The following PREX1 variants were observed in gnomAD, a reference collection of about 807,000 sequenced individuals.
PREX1 encodes phosphatidylinositol 3,4,5-trisphosphate-dependent Rac exchanger 1 protein.
In PREX1, 41 loss-of-function variants were observed where a neutral mutation model predicts 198.3. The ratio of observed to expected loss-of-function variants is 0.21; its 90% CI spans 0.16 to 0.27. PREX1 has a LOEUF of 0.27. Ranked by LOEUF, PREX1 falls within the 10% of genes least tolerant of loss-of-function variation. The probability of loss-of-function intolerance (pLI) is 1.00; values close to 1 mark genes in which losing one functional copy is unlikely to be tolerated. For missense variants in PREX1, 1,620 were observed against 2,200.7 expected (o/e 0.74, Z 5.28); for synonymous variants, 843 against 887.2 (o/e 0.95, Z 0.89).
intron 5 of PREX1, among the ~76,000 whole-genome samples, chr20:48,715,626 T>C (rs918784978): frequency 2.6e-5 from 4 of 152,142 alleles, no homozygotes; most frequent in Non-Finnish European, 4.4e-5. Flanking sequence ...AAGGATCCAA[T>C]GGGGTGATGA....
Position 48,653,353 on chromosome 20 carries a change from A to G in PREX1, c.2346+8T>C. 1 of 1,609,860 alleles carries G rather than the reference A, an allele frequency of 6.2e-7. No homozygotes were observed. Among genetic ancestry groups the G allele is most frequent in the South Asian group, 1.1e-5 (1 of 91,000 alleles). ...TTCTTTGACGGCCCCGGTTTCCAGTAAACTTACCAGGGCCTCTTCGCGCCG... is the reference window on the plus strand; with the variant it reads ...TTCTTTGACGGCCCCGGTTTCCAGTGAACTTACCAGGGCCTCTTCGCGCCG... On this transcript the variant is annotated splice_region_variant and intron_variant, in intron 20 of 39. Transcript: ENST00000371941.
chr20:48,759,964 T>C (rs1360686011), intron 1 of PREX1, among the ~76,000 whole-genome samples: 1 of 151,608 alleles, frequency 6.6e-6, no homozygotes, highest in African/African-American at 2.4e-5. Flanking sequence ...ACAAACAAAA[T>C]AGCCAGGTGT....
At chr20:48,689,137 A>G (rs138881149) in intron 9 of PREX1, among the ~76,000 whole-genome samples, 2 of 152,194 alleles carry the variant, frequency 1.3e-5, no homozygotes, top group East Asian at 1.9e-4. Flanking sequence ...TGCCTCCCCA[A>G]CCTGAGGGTG....
chr20:48,782,560 G>A (rs1011297797), intron 1 of PREX1, among the ~76,000 whole-genome samples: 5 of 152,146 alleles, frequency 3.3e-5, no homozygotes, highest in African/African-American at 4.8e-5. Context: ...CTGTTAAAGT[G>A]GTGAGAAAGT....
the PREX1 span, among the ~76,000 whole-genome samples, chr20:48,862,807 A>ATATATATATATGTGTGTG: frequency 2.1e-4 from 26 of 126,658 alleles, 1 homozygote; most frequent in Non-Finnish European, 2.8e-4. Context: ...ATATATATAT[A>ATATATATATATGTGTGTG]TATATACTAA....
chr20:48,644,585 A>G, intron 26 of PREX1, 88 bp from the exon 27 acceptor site: 1 of 1,202,082 alleles, frequency 8.3e-7, no homozygotes, highest in Non-Finnish European at 1.2e-6. Context: ...TACAGTGTAG[A>G]CAAAACCCCT....
chr20:48,644,738 A>G lies in PREX1; in HGVS notation c.3513-241T>C, dbSNP rs76018817. Among the ~76,000 whole-genome samples, 463 of 152,374 alleles carry G rather than the reference A, an allele frequency of 3.0e-3. 10 individuals carry two copies. The East Asian group carries it at 0.065, about 21-fold the overall frequency. On this transcript the variant is annotated intron_variant, in intron 26 of 39. Coordinates refer to ENST00000371941, the MANE Select transcript of PREX1 (RefSeq NM_020820.4). ...GGCTCTAGCACAGAAACACAGAAAT[A>G]GGAGGAAGACGGTGAATCATTTTCA...
At chr20:48,877,358 T>C in the PREX1 span, among the ~76,000 whole-genome samples, 3 of 152,168 alleles carry the variant, frequency 2.0e-5, no homozygotes, top group African/African-American at 7.2e-5. Flanking sequence ...CAGGCATGGA[T>C]AGATCTAGGA....
chr20:48,639,905 A>C lies in PREX1; in HGVS notation c.3776-11T>G. 1 of 1,613,748 alleles carries C rather than the reference A, an allele frequency of 6.2e-7. No homozygotes were observed. Among genetic ancestry groups the C allele is most frequent in the Non-Finnish European group, 8.5e-7 (1 of 1,179,768 alleles). ...CTTTCTGTTTAAACTCTGGGGCAGG[A>C]AAGTGGCATGAGGGCCAGGGAAGGG... is the stretch of plus-strand genomic sequence containing the variant. On this transcript the variant is annotated splice_polypyrimidine_tract_variant and intron_variant, in intron 29 of 39. Coordinates refer to ENST00000371941, the MANE Select transcript of PREX1 (RefSeq NM_020820.4).
intron 20 of PREX1, among the ~76,000 whole-genome samples, chr20:48,653,110 G>C (rs1235005501): frequency 6.6e-6 from 1 of 152,182 alleles, no homozygotes; most frequent in East Asian, 1.9e-4. Context: ...GGTGAGGAGA[G>C]AGGGTCTGGT....
chr20:48,642,313 GAC>G (rs1197338727), intron 28 of PREX1, 55 bp from the exon 29 acceptor site: 9 of 1,605,224 alleles, frequency 5.6e-6, no homozygotes, highest in African/African-American at 1.3e-5. Context: ...ACACACTGCA[GAC>G]ATCTGGGACC....
chr20:48,632,477 C>A lies in PREX1; in HGVS notation c.4411+19G>T. 1 of 1,613,836 alleles carries A rather than the reference C, an allele frequency of 6.2e-7. No homozygotes were observed. The highest frequency in any genetic ancestry group is 8.5e-7 in the Non-Finnish European group (1 of 1,179,974). ...GGCCCGGCCCCCGTGGTCCTCCCTG[C>A]CCCAGGCCTGAAGCTCACCTTTCGT... is the stretch of plus-strand genomic sequence containing the variant. On this transcript the variant is annotated intron_variant, in intron 34 of 39. Transcript: ENST00000371941.
At chr20:48,672,407 C>T (rs1854039485) in intron 14 of PREX1, among the ~76,000 whole-genome samples, 1 of 152,256 alleles carries the variant, frequency 6.6e-6, no homozygotes, top group Non-Finnish European at 1.5e-5. Flanking sequence ...TGCTGGAATT[C>T]TAGCGTTGCC....
At chr20:48,679,836 G>C (rs2089737117) in intron 11 of PREX1, 82 bp from the exon 12 acceptor site, 5 of 1,049,150 alleles carry the variant, frequency 4.8e-6, no homozygotes, top group Non-Finnish European at 7.3e-6. Context: ...GGCCTTCACT[G>C]CCAGCCACGC....
the PREX1 span, among the ~76,000 whole-genome samples, chr20:48,882,543 T>G: frequency 6.7e-6 from 1 of 149,550 alleles, no homozygotes; most frequent in East Asian, 2.0e-4. Flanking sequence ...ATCTTCATGT[T>G]TCTATGAAGT....
the PREX1 span, among the ~76,000 whole-genome samples, chr20:48,841,834 C>T: frequency 1.3e-5 from 2 of 152,166 alleles, no homozygotes; most frequent in African/African-American, 4.8e-5. Context: ...ATCCCACATC[C>T]CTGGTAGGCA....
chr20:48,886,788 C>T, the PREX1 span, among the ~76,000 whole-genome samples: 8 of 152,194 alleles, frequency 5.3e-5, no homozygotes, highest in African/African-American at 1.4e-4. Context: ...CACCATGTTA[C>T]GGATGAAGAA....
In PREX1 at chr20:48,688,701, G is replaced by T; in HGVS notation, c.1290C>A (p.Asp430Glu). Residue 430 changes from aspartate (D) to glutamate (E), a missense_variant, in exon 10 of 40, where the codon GAC (aspartate) becomes GAA (glutamate). Asp to Glu is a conservative substitution (Grantham distance 45). This residue lies in a region of PREX1 where 488 missense variants were observed against 802.5 expected (regional missense o/e 0.61). Coordinates refer to ENST00000371941, the MANE Select transcript of PREX1 (RefSeq NM_020820.4). ...MMNKKVNLIKDRRRKLSTVPK... is the reference protein window; with the variant it reads ...MMNKKVNLIKERRRKLSTVPK... Reference sequence around the variant, plus strand: ...GGACAGTGCTCAGCTTTCTCCGGCGGTCCTTGATGAGGTTCACCTTCTTGT... The same window carrying T: ...GGACAGTGCTCAGCTTTCTCCGGCGTTCCTTGATGAGGTTCACCTTCTTGT... 1 of 1,614,168 alleles carries T rather than the reference G, an allele frequency of 6.2e-7. No homozygotes were observed. The highest frequency in any genetic ancestry group is 8.5e-7 in the Non-Finnish European group (1 of 1,180,036).
chr20:48,649,222 G>C, intron 25 of PREX1, 78 bp downstream of exon 25: 1 of 1,545,996 alleles, frequency 6.5e-7, no homozygotes, highest in Non-Finnish European at 8.8e-7. Context: ...AAAGAATGAT[G>C]CTACCCACAA....
Sources: gnomAD v4.1 joint callset for allele counts (sites outside exome capture counted in the v4.1 genomes callset) on GRCh38, gnomAD v4.1.1 for gene constraint, gnomAD v4.1.1 regional missense constraint, MANE v1.5 for transcripts, NCBI Gene and HGNC (gene_info 2026-07-23, HGNC 2026-07-21) for gene names.